SHD: variants seen among roughly 807,000 people sequenced by gnomAD.
The protein encoded by SHD is Src homology 2 domain containing transforming protein D.
A neutral mutation model predicts 31.2 loss-of-function variants in SHD; 29 were observed. That is an observed-to-expected ratio of 0.93 (90% CI 0.69 to 1.27). The LOEUF (loss-of-function observed/expected upper bound fraction) is 1.27, where lower values mean the gene tolerates loss of function less well. Among genes scored for constraint, SHD ranks in the 50% most tolerant of loss-of-function variants. The pLI is 0.00. For missense variants in SHD, 520 were observed against 453.8 expected (o/e 1.15, Z -1.33); for synonymous variants, 208 against 187.8 (o/e 1.11, Z -0.88).
chr19:4,284,656 C>A, intron 3 of SHD, 125 bp from the exon 4 acceptor site: 4 of 1,208,676 alleles, frequency 3.3e-6, no homozygotes, highest in East Asian at 5.6e-5. Context: ...AAGCCCAGCC[C>A]CTGGGCTGTG....
At chr19:4,283,330 T>C (rs1971276164) in intron 3 of SHD, 88 bp downstream of exon 3, 40 of 1,322,140 alleles carry the variant, frequency 3.0e-5, no homozygotes, top group Non-Finnish European at 4.1e-5. Flanking sequence ...GTTTACAAAG[T>C]AGAGTCCAAT....
chr19:4,285,922 G>A lies in SHD; in HGVS notation c.716+1018G>A, dbSNP rs535383765. Among the ~76,000 whole-genome samples the A allele has an allele frequency of 1.7e-4, 15 of 87,964 alleles. No homozygotes were observed. In the South Asian group the frequency reaches 3.8e-3, roughly 22 times the overall value. 57.7% of individuals were successfully genotyped at this position (87,964 alleles called of 152,430 possible). A position where few individuals can be genotyped will look rare whatever the true frequency, so the allele number is the denominator to read the frequency against. On this transcript the variant is annotated intron_variant, in intron 4 of 5. Transcript: ENST00000543264. ...TTTTTTTTTTTTTTGACAGAGCCTC[G>A]CTCTTGTCGCCCAGGCTGGAGTGCA...
intron 4 of SHD, among the ~76,000 whole-genome samples, chr19:4,287,304 C>T (rs1971330179): frequency 6.7e-6 from 1 of 150,280 alleles, no homozygotes; most frequent in South Asian, 2.1e-4. Flanking sequence ...TGCACTCCAG[C>T]CTGGGTGACA....
chr19:4,287,743 C>G (rs1013562776), intron 4 of SHD, among the ~76,000 whole-genome samples: 3 of 151,802 alleles, frequency 2.0e-5, no homozygotes, highest in Non-Finnish European at 4.4e-5. Flanking sequence ...CAAGATTGCA[C>G]CACTGCACTC....
chr19:4,290,575 C>G lies in SHD; in HGVS notation c.965C>G (p.Pro322Arg). ...CTCCACTACAGTTCACGCCCACTGCCGGTGCAGGGTGCCGAGCATCTGGCT... is the reference window on the plus strand; with the variant it reads ...CTCCACTACAGTTCACGCCCACTGCGGGTGCAGGGTGCCGAGCATCTGGCT... The part of the protein sequence containing the change: ...LVLHYSSRPL[P>R]VQGAEHLALL... The change falls in exon 6 of 6, where the codon CCG becomes CGG. Residue 322 changes from proline (P) to arginine (R), a missense_variant. By Grantham distance (103) the Pro-to-Arg change is moderately radical. Transcript: ENST00000543264. 6.2e-7 allele frequency: 1 copy of G among 1,613,624 alleles called. No homozygotes were observed. The highest frequency in any genetic ancestry group is 8.5e-7 in the Non-Finnish European group (1 of 1,179,932).
intron 1 of SHD, among the ~76,000 whole-genome samples, chr19:4,281,364 A>G (rs893438605): frequency 2.0e-5 from 3 of 147,564 alleles, no homozygotes; most frequent in African/African-American, 7.6e-5. Flanking sequence ...CAGGAGGATC[A>G]CTTGAGCCTA....
Position 4,290,502 on chromosome 19 carries a change from GTGC to G in SHD, c.895_897del (p.Leu299del). The G allele has an allele frequency of 6.2e-7, 1 of 1,613,632 alleles. No individual in the cohort carries two copies. On this transcript the variant is annotated inframe_deletion, in exon 6 of 6. Coordinates refer to ENST00000543264, the MANE Select transcript of SHD (RefSeq NM_020209.4). ...CGCGCGGACCCGTGAGAACCAGGTG[GTGC>G]TGGGCCAACACAGCGGGCCCTTCCC...
intron 1 of SHD, among the ~76,000 whole-genome samples, chr19:4,281,812 G>A (rs1971259599): frequency 6.6e-6 from 1 of 152,112 alleles, no homozygotes; most frequent in Admixed American, 6.6e-5. Context: ...AGGGACTCGA[G>A]GAAACCAGTC....
At chr19:4,284,614 G>A (rs1410429815) in intron 3 of SHD, 167 bp from the exon 4 acceptor site, 2 of 707,536 alleles carry the variant, frequency 2.8e-6, no homozygotes, top group African/African-American at 3.6e-5. Context: ...AGGCCAAAAG[G>A]TTGCACCTGT....
At chr19:4,281,282 C>CA (rs72274547) in intron 1 of SHD, among the ~76,000 whole-genome samples, 61 of 147,420 alleles carry the variant, frequency 4.1e-4, no homozygotes, top group Admixed American at 8.8e-4. Context: ...CTTGTCTCTA[C>CA]AAAAAAAAAA....
chr19:4,284,689 T>G (rs2144716778), intron 3 of SHD, 92 bp from the exon 4 acceptor site: 1 of 1,363,870 alleles, frequency 7.3e-7, no homozygotes, highest in East Asian at 2.7e-5. Context: ...AAGCTGGCCC[T>G]GCCTTTCTAC....
intron 5 of SHD, 119 bp downstream of exon 5, chr19:4,288,481 T>A: frequency 2.6e-6 from 3 of 1,168,028 alleles, no homozygotes; most frequent in Non-Finnish European, 2.3e-6. Context: ...GGCTTCCAGG[T>A]CAGTGGGTGG....
chr19:4,289,344 C>T (rs1029707551), intron 5 of SHD, among the ~76,000 whole-genome samples: 26 of 150,626 alleles, frequency 1.7e-4, no homozygotes, highest in Admixed American at 1.2e-3. Context: ...ATCTCCTGAC[C>T]TCGTGATCCG....
Position 4,283,206 on chromosome 19 carries a change from G to C in SHD, c.556G>C (p.Glu186Gln). 6.2e-7 allele frequency: 1 copy of C among 1,614,070 alleles called. No homozygotes were observed. The highest frequency in any genetic ancestry group is 8.5e-7 in the Non-Finnish European group (1 of 1,179,966). The change falls in exon 3 of 6, where the codon GAG becomes CAG. Residue 186 changes from glutamate to glutamine, a missense_variant. Physicochemically the swap from Glu to Gln is conservative, Grantham distance 29. Coordinates refer to ENST00000543264, the MANE Select transcript of SHD (RefSeq NM_020209.4). ...RPADEYDQPW[E>Q]WKKDHISRAF... ...AGCAGATGAGTATGATCAGCCCTGG[G>C]AGTGGAAGAAAGACCACATCTCCAG...
upstream of SHD, chr19:4,279,250 G>T (rs1971229581): frequency 6.6e-6 from 1 of 151,804 alleles, no homozygotes; most frequent in Non-Finnish European, 1.5e-5. This position sits in a 1 kb window ranked among gnomAD's most constrained non-coding sequence, Gnocchi z 7.5. Context: ...CGGAGGGGAG[G>T]TGGGGGAGCC....
chr19:4,285,360 G>T (rs1971297888), intron 4 of SHD, among the ~76,000 whole-genome samples: 1 of 152,142 alleles, frequency 6.6e-6, no homozygotes, highest in Admixed American at 6.5e-5. Context: ...TCCGTGCTGG[G>T]GTGGCACGTG....
intron 4 of SHD, among the ~76,000 whole-genome samples, chr19:4,287,905 TGTTTGTTC>T (rs756445567): frequency 0.013 from 1,667 of 127,212 alleles, 33 homozygotes; most frequent in African/African-American, 0.049. Flanking sequence ...TTTGTTTGTT[TGTTTGTTC>T]GTTTGTTTTG....
chr19:4,279,963 C>T lies in SHD; in HGVS notation c.-101C>T. 1 of 1,371,232 alleles carries T rather than the reference C, an allele frequency of 7.3e-7. No individual in the cohort carries two copies. Among genetic ancestry groups the T allele is most frequent in the South Asian group, 1.5e-5 (1 of 67,044 alleles). 84.9% of individuals were successfully genotyped at this position (1,371,232 alleles called of 1,614,324 possible). Reference sequence around the variant, plus strand: ...TCTTTCTCATCCTTCCCTGCTCTTCCCTTCCTCTCCACCTCCTCCTCCTCC... The same window carrying T: ...TCTTTCTCATCCTTCCCTGCTCTTCTCTTCCTCTCCACCTCCTCCTCCTCC... On this transcript the variant is annotated 5_prime_UTR_variant, in exon 1 of 6. Transcript: ENST00000543264. This position sits in a 1 kb window ranked among gnomAD's most constrained non-coding sequence, Gnocchi z 7.5.
At chr19:4,281,237 G>C (rs1444333544) in intron 1 of SHD, among the ~76,000 whole-genome samples, 3 of 151,484 alleles carry the variant, frequency 2.0e-5, no homozygotes, top group African/African-American at 7.3e-5. Flanking sequence ...TTGAGCCCAG[G>C]AGTTCGAGAC....
Sources: gnomAD v4.1 joint callset for allele counts (sites outside exome capture counted in the v4.1 genomes callset) on GRCh38, gnomAD v4.1.1 for gene constraint, Gnocchi (gnomAD v3.1) non-coding constraint, MANE v1.5 for transcripts, NCBI Gene and HGNC (gene_info 2026-07-23, HGNC 2026-07-21) for gene names.